Variants in FREM1 observed in about 807,000 individuals in gnomAD.
FREM1 encodes the protein FRAS1 related extracellular matrix 1, also known as FRAS1-related extracellular matrix protein 1.
Under a neutral mutation model 210.1 loss-of-function variants are expected in FREM1, and 220 were observed. The ratio of observed to expected loss-of-function variants is 1.05; its 90% CI spans 0.94 to 1.17. The LOEUF is 1.17. FREM1 is among the 50% of genes most tolerant of loss of function. The pLI, the probability that FREM1 is intolerant of heterozygous loss-of-function variation, is 0.00. For missense variants in FREM1, 3,454 were observed against 2,675.5 expected, an observed-to-expected ratio of 1.29 and a Z score of -6.42; for synonymous variants, 1,189 against 980.2, an observed-to-expected ratio of 1.21 and a Z score of -3.98.
intron 3 of FREM1, among the ~76,000 whole-genome samples, chr9:14,862,802 C>T (rs536432839): frequency 6.6e-6 from 1 of 152,204 alleles, no homozygotes; most frequent in South Asian, 2.1e-4. Flanking sequence ...ATGCTGTAGC[C>T]TTTATCAGTG....
chr9:14,788,724 C>G (rs1418884304), intron 23 of FREM1, among the ~76,000 whole-genome samples, 195 bp downstream of exon 23: 1 of 152,118 alleles, frequency 6.6e-6, no homozygotes, highest in African/African-American at 2.4e-5. Context: ...TTGGCTACTT[C>G]TGTGAACCAC....
chr9:14,895,260 G>A (rs901531069), intron 1 of FREM1, among the ~76,000 whole-genome samples: 2 of 152,182 alleles, frequency 1.3e-5, no homozygotes, highest in Non-Finnish European at 2.9e-5. Flanking sequence ...ATCAGGCCAA[G>A]TATAATAAAG....
chr9:14,746,285 G>C, intron 35 of FREM1, 68 bp downstream of exon 35: 3 of 1,164,418 alleles, frequency 2.6e-6, no homozygotes, highest in African/African-American at 3.0e-5. Context: ...GCAGCTCTCC[G>C]CTTCCATGAG....
At chr9:14,799,110 C>G (rs1240565771) in intron 20 of FREM1, among the ~76,000 whole-genome samples, 1 of 152,114 alleles carries the variant, frequency 6.6e-6, no homozygotes, top group Non-Finnish European at 1.5e-5. Context: ...GAGACCCTGT[C>G]TCTACAAAAC....
chr9:14,887,379 C>A (rs779751292), intron 1 of FREM1, among the ~76,000 whole-genome samples: 2 of 152,192 alleles, frequency 1.3e-5, no homozygotes, highest in African/African-American at 2.4e-5. Context: ...GGCCAAGTGC[C>A]CTTTCCCCTG....
In FREM1 at chr9:14,760,797, C is replaced by T. The variant is rs148483457; in HGVS notation, c.5205-896G>A. On this transcript the variant is annotated intron_variant, in intron 27 of 36. Transcript: ENST00000380880. ...GTTCTTTGCGACTCTTTTGTGAGCTCAAGCAGAGCAATACGGTTTTATCTT... is the reference window on the plus strand; with the variant it reads ...GTTCTTTGCGACTCTTTTGTGAGCTTAAGCAGAGCAATACGGTTTTATCTT... Among the ~76,000 whole-genome samples, 618 of 152,272 alleles carry T rather than the reference C, an allele frequency of 4.1e-3. 7 individuals are homozygous for T. The highest frequency in any genetic ancestry group is 0.014 in the African/African-American group (582 of 41,546).
At chr9:14,861,200 TAC>T (rs201838872) in intron 3 of FREM1, among the ~76,000 whole-genome samples, 2,229 of 107,458 alleles carry the variant, frequency 0.021, 297 homozygotes, top group East Asian at 0.067. Flanking sequence ...TATACATATA[TAC>T]ACACATATAC....
At chr9:14,777,303 T>C (rs1179537563) in intron 24 of FREM1, among the ~76,000 whole-genome samples, 1 of 152,228 alleles carries the variant, frequency 6.6e-6, no homozygotes, top group East Asian at 1.9e-4. Flanking sequence ...CTTTGTAGCA[T>C]TACAATATGT....
In FREM1 at chr9:14,867,056, C is replaced by T. The variant is rs930106602; in HGVS notation, c.234+1688G>A. 3.9e-5 allele frequency among the ~76,000 whole-genome samples: 6 copies of T among 152,186 alleles called. No individual in the cohort carries two copies. In the South Asian group the frequency reaches 1.0e-3, roughly 26 times the overall value. ...TGTATTTTTAGTAGAGATGGAGTTT[C>T]ACCATGTTGACCAGGCTGGTCTCTA... is the stretch of plus-strand genomic sequence containing the variant. On this transcript the variant is annotated intron_variant, in intron 2 of 36. Coordinates refer to ENST00000380880, the MANE Select transcript of FREM1 (RefSeq NM_001379081.2).
intron 1 of FREM1, among the ~76,000 whole-genome samples, chr9:14,907,618 G>T (rs1342802104): frequency 6.6e-6 from 1 of 152,186 alleles, no homozygotes; most frequent in African/African-American, 2.4e-5. Context: ...GGATCCCATT[G>T]TAAGGAATGG....
chr9:14,876,456 C>G (rs372816032), intron 1 of FREM1, among the ~76,000 whole-genome samples: 1 of 152,198 alleles, frequency 6.6e-6, no homozygotes, highest in South Asian at 2.1e-4. Flanking sequence ...ATCAGTGAGA[C>G]TCCGTGGGCG....
chr9:14,745,749 G>A (rs944193495), intron 35 of FREM1, among the ~76,000 whole-genome samples: 3 of 152,184 alleles, frequency 2.0e-5, no homozygotes, highest in Non-Finnish European at 4.4e-5. Context: ...GAGGGTCAGG[G>A]ATAGGTACAT....
chr9:14,853,498 C>G (rs981073492), intron 5 of FREM1, among the ~76,000 whole-genome samples: 1 of 152,146 alleles, frequency 6.6e-6, no homozygotes, highest in Non-Finnish European at 1.5e-5. Flanking sequence ...TCCAGAGAAA[C>G]CATAAATTTG....
chr9:14,861,002 C>CACATATAT (rs1564104345), intron 3 of FREM1, among the ~76,000 whole-genome samples: 1 of 101,350 alleles, frequency 9.9e-6, no homozygotes. Flanking sequence ...CATATATATA[C>CACATATAT]ACATATATAC....
intron 5 of FREM1, 49 bp from the exon 6 acceptor site, chr9:14,851,656 T>G: frequency 1.1e-5 from 14 of 1,273,388 alleles, no homozygotes; most frequent in African/African-American, 2.9e-5. Flanking sequence ...ATGAATGAGG[T>G]GATATCATAC....
At chr9:14,787,457 CT>C (rs1317498191) in intron 23 of FREM1, among the ~76,000 whole-genome samples, 1 of 152,166 alleles carries the variant, frequency 6.6e-6, no homozygotes, top group Non-Finnish European at 1.5e-5. Context: ...CACTGGCTAA[CT>C]TTATTTCCTT....
chr9:14,784,265 C>T (rs1250308679), intron 24 of FREM1, 105 bp downstream of exon 24: 3 of 1,009,312 alleles, frequency 3.0e-6, no homozygotes, highest in East Asian at 2.4e-5. Flanking sequence ...TTATAAGATA[C>T]ATGTATTTTG....
intron 21 of FREM1, among the ~76,000 whole-genome samples, chr9:14,796,740 C>T (rs1335480266): frequency 6.6e-6 from 1 of 152,150 alleles, no homozygotes; most frequent in African/African-American, 2.4e-5. Flanking sequence ...CTCCTGCTAC[C>T]ATGTGAAGAA....
At chr9:14,900,900 T>C (rs1300741144) in intron 1 of FREM1, among the ~76,000 whole-genome samples, 1 of 152,178 alleles carries the variant, frequency 6.6e-6, no homozygotes, top group Non-Finnish European at 1.5e-5. Context: ...TTCCCCAACT[T>C]TAGTTTTTTC....
Sources: gnomAD v4.1 joint callset for allele counts (sites outside exome capture counted in the v4.1 genomes callset) on GRCh38, gnomAD v4.1.1 for gene constraint, MANE v1.5 for transcripts, NCBI Gene and HGNC (gene_info 2026-07-23, HGNC 2026-07-21) for gene names.